IL1R1: variants seen among roughly 807,000 people sequenced by gnomAD.
IL1R1 encodes the protein interleukin-1 receptor type 1.
In IL1R1, 22 loss-of-function variants were observed where a neutral mutation model predicts 50.2. The observed-to-expected ratio is 0.44, with a 90% confidence interval of 0.31 to 0.63. The LOEUF (loss-of-function observed/expected upper bound fraction) is 0.63. Among genes scored for constraint, IL1R1 ranks in the 20% least tolerant of loss-of-function variants. The pLI is 0.07. For missense variants in IL1R1, 509 were observed against 676.2 expected (o/e 0.75, Z 2.74); for synonymous variants, 251 against 236.7 (o/e 1.06, Z -0.55).
intron 1 of IL1R1, among the ~76,000 whole-genome samples, chr2:102,123,149 C>T (rs543165963): frequency 5.3e-5 from 8 of 152,206 alleles, no homozygotes; most frequent in South Asian, 2.1e-4. Flanking sequence ...TTCTGCATTC[C>T]GATGCAATGT....
rs186625332 is a variant in IL1R1, at chr2:102,110,049, T to A, written c.-84+5177T>A. On this transcript the variant is annotated intron_variant, in intron 1 of 10. Coordinates refer to the IL1R1 transcript ENST00000409329. ...TGAATGACACATGGTTTATTTGCTT[T>A]TGGAGTGGTAACACAATTTAAAAGG... is the stretch of plus-strand genomic sequence containing the variant. Among the ~76,000 whole-genome samples, 333 of 152,364 alleles carry A rather than the reference T, an allele frequency of 2.2e-3. 1 individual carries two copies. The highest frequency in any genetic ancestry group is 6.3e-3 in the African/African-American group (262 of 41,584).
upstream of IL1R1, among the ~76,000 whole-genome samples, chr2:102,139,886 G>C (rs919318318): frequency 3.3e-5 from 5 of 152,048 alleles, no homozygotes; most frequent in Non-Finnish European, 7.4e-5. Context: ...CCCAGTTTCA[G>C]GTATTTTTTT....
chr2:102,086,193 A>C (rs1322707033), intron 1 of IL1R1, among the ~76,000 whole-genome samples: 1 of 152,178 alleles, frequency 6.6e-6, no homozygotes, highest in Non-Finnish European at 1.5e-5. Context: ...TTAATTTTTA[A>C]AGGGTGGTTT....
intron 3 of IL1R1, among the ~76,000 whole-genome samples, chr2:102,158,814 G>C (rs1559496845): frequency 6.6e-6 from 1 of 152,166 alleles, no homozygotes; most frequent in Non-Finnish European, 1.5e-5. Context: ...CCTGTTTTGA[G>C]AATAGATCCG....
intron 1 of IL1R1, among the ~76,000 whole-genome samples, chr2:102,115,413 A>T (rs749486556): frequency 6.6e-5 from 10 of 152,192 alleles, no homozygotes; most frequent in Admixed American, 2.6e-4. Context: ...GGCACTGTGG[A>T]TATAAGTTGT....
At chr2:102,107,267 A>G (rs956693758) in intron 1 of IL1R1, among the ~76,000 whole-genome samples, 4 of 152,140 alleles carry the variant, frequency 2.6e-5, no homozygotes, top group Non-Finnish European at 5.9e-5. Context: ...GATAGACTGG[A>G]TTAAGAAAAT....
chr2:102,169,457 A>G (rs1685483953), intron 7 of IL1R1, among the ~76,000 whole-genome samples: 1 of 152,348 alleles, frequency 6.6e-6, no homozygotes, highest in African/African-American at 2.4e-5. Flanking sequence ...CACATGTGAC[A>G]AGTGACTACT....
chr2:102,091,138 T>G lies in IL1R1; in HGVS notation c.-84+20605T>G, dbSNP rs138736383. 6.3e-4 allele frequency among the ~76,000 whole-genome samples: 96 copies of G among 152,320 alleles called. 1 individual carries two copies. Among genetic ancestry groups the G allele is most frequent in the African/African-American group, 2.3e-3 (95 of 41,566 alleles). The stretch of plus-strand genomic sequence containing the variant: ...GAGAACCAGATATACCCTCCAGAGA[T>G]TCACAGCCCAGCTCTCAAGTGATCA... On this transcript the variant is annotated intron_variant, in intron 1 of 11. Coordinates refer to the IL1R1 transcript ENST00000409929.
At chr2:102,162,925 G>A (rs932975853) in intron 3 of IL1R1, among the ~76,000 whole-genome samples, 3 of 152,058 alleles carry the variant, frequency 2.0e-5, no homozygotes, top group African/African-American at 7.2e-5. Flanking sequence ...AATATTTCTT[G>A]TAATGCAGGT....
chr2:102,101,549 T>A (rs1170960812), upstream of IL1R1, among the ~76,000 whole-genome samples: 2 of 152,216 alleles, frequency 1.3e-5, no homozygotes, highest in Non-Finnish European at 2.9e-5. Context: ...CTGTACGTGC[T>A]TCTTCCTATT....
chr2:102,100,404 C>T (rs1411335884), upstream of IL1R1, among the ~76,000 whole-genome samples: 1 of 152,178 alleles, frequency 6.6e-6, no homozygotes, highest in Non-Finnish European at 1.5e-5. Flanking sequence ...CTGAGGCTTT[C>T]CAGTAGAGCA....
intron 1 of IL1R1, among the ~76,000 whole-genome samples, chr2:102,085,237 G>A (rs1679383629): frequency 6.6e-6 from 1 of 152,126 alleles, no homozygotes; most frequent in Non-Finnish European, 1.5e-5. Context: ...TTTATCAATA[G>A]TCTTTCTTTG....
intron 8 of IL1R1, chr2:102,172,405 G>A: frequency 1.0e-6 from 1 of 985,260 alleles, no homozygotes; most frequent in Non-Finnish European, 1.2e-6. Context: ...TGTCTCCTCT[G>A]TGCCCCATGG....
chr2:102,074,575 A>G (rs1002410847), intron 1 of IL1R1, among the ~76,000 whole-genome samples: 1 of 152,136 alleles, frequency 6.6e-6, no homozygotes, highest in Non-Finnish European at 1.5e-5. Context: ...TCTGCCCTCT[A>G]TGGGTAAAGC....
At position 102,091,417 on chromosome 2, in the gene IL1R1, A is replaced by C. The variant is rs182693721; in HGVS notation, c.-84+20884A>C. Among the ~76,000 whole-genome samples the C allele has an allele frequency of 1.5e-4, 23 of 152,334 alleles. No homozygotes were observed. The East Asian group carries it at 4.2e-3, about 28-fold the overall frequency. On this transcript the variant is annotated intron_variant, in intron 1 of 11. Coordinates refer to the IL1R1 transcript ENST00000409929. ...GATTTTGTAATCTTGATAAAGTGGA[A>C]GTGGATTTTATAGTCTTGAGAAAGT...
intron 1 of IL1R1, among the ~76,000 whole-genome samples, chr2:102,127,592 G>T (rs1488967561): frequency 6.6e-6 from 1 of 152,026 alleles, no homozygotes; most frequent in Non-Finnish European, 1.5e-5. Flanking sequence ...TAGTAAGTCA[G>T]ATGGTGACAC....
At chr2:102,106,408 T>C (rs1388867240) in intron 1 of IL1R1, among the ~76,000 whole-genome samples, 1 of 152,204 alleles carries the variant, frequency 6.6e-6, no homozygotes, top group Non-Finnish European at 1.5e-5. Flanking sequence ...TTAAAAAGAT[T>C]CTTATGGCCT....
chr2:102,125,992 C>T (rs1239530031), intron 1 of IL1R1, among the ~76,000 whole-genome samples: 1 of 152,166 alleles, frequency 6.6e-6, no homozygotes, highest in Non-Finnish European at 1.5e-5. Context: ...TCTTCAGCTC[C>T]AACCATTACC....
intron 1 of IL1R1, among the ~76,000 whole-genome samples, chr2:102,146,483 T>A (rs1428435338): frequency 1.3e-5 from 2 of 152,132 alleles, no homozygotes; most frequent in African/African-American, 4.8e-5. Context: ...CCTAGTGAGG[T>A]GAGCCATTGC....
Sources: allele counts gnomAD v4.1 joint callset (sites outside exome capture counted in the v4.1 genomes callset), GRCh38; gene constraint gnomAD v4.1.1; transcripts MANE v1.5; gene names NCBI Gene and HGNC (gene_info 2026-07-23, HGNC 2026-07-21).